Variants in ATAD2B observed in about 807,000 individuals in gnomAD.
ATAD2B encodes the protein ATPase family AAA domain containing 2B, also known as ATPase family AAA domain-containing protein 2B.
A neutral mutation model predicts 167.6 loss-of-function variants in ATAD2B; 40 were observed. That is an observed-to-expected ratio of 0.24 (90% CI 0.19 to 0.31). The LOEUF (loss-of-function observed/expected upper bound fraction) is 0.31, where lower values mean the gene tolerates loss of function less well. Among genes scored for constraint, ATAD2B ranks in the 10% least tolerant of loss-of-function variants. ATAD2B has a pLI of 1.00. For synonymous variants in ATAD2B, 579 were observed against 596.5 expected (o/e 0.97, Z 0.43); for missense variants, 1,242 against 1,757.2 (o/e 0.71, Z 5.24).
chr2:23,706,361 TCCC>T, the ATAD2B span: 5 of 712,378 alleles, frequency 7.0e-6, no homozygotes, highest in African/African-American at 9.3e-5. Flanking sequence ...GGCAGCAAGA[TCCC>T]AGATGCCTTC....
chr2:23,896,054 C>T, intron 1 of ATAD2B, 84 bp from the exon 2 acceptor site: 1 of 1,151,254 alleles, frequency 8.7e-7, no homozygotes, highest in Non-Finnish European at 1.2e-6. Context: ...CAGTGGCTCA[C>T]TCCTGTAATC....
chr2:23,877,904 T>C (rs575734137), intron 7 of ATAD2B, among the ~76,000 whole-genome samples: 55 of 149,180 alleles, frequency 3.7e-4, no homozygotes, highest in African/African-American at 1.3e-3. Context: ...AAAAAATTTT[T>C]TTTTAATTAG....
the ATAD2B span, chr2:23,703,711 C>T: frequency 8.5e-6 from 13 of 1,534,160 alleles, no homozygotes; most frequent in Non-Finnish European, 1.1e-5. Flanking sequence ...GCTCTGCTCT[C>T]CTCACAGACA....
At chr2:23,680,767 G>A in the ATAD2B span, among the ~76,000 whole-genome samples, 8 of 147,656 alleles carry the variant, frequency 5.4e-5, no homozygotes, top group African/African-American at 2.0e-4. This position sits in a 1 kb window ranked among gnomAD's most constrained non-coding sequence, Gnocchi z 4.1. Context: ...TTCTCCTGGG[G>A]TCTCTAGGCC....
downstream of ATAD2B, among the ~76,000 whole-genome samples, chr2:23,746,983 C>T (rs1210489444): frequency 6.6e-6 from 1 of 152,098 alleles, no homozygotes; most frequent in Non-Finnish European, 1.5e-5. Flanking sequence ...GTTTAGTTTG[C>T]TGCTTTATTT....
intron 14 of ATAD2B, among the ~76,000 whole-genome samples, chr2:23,829,304 C>CA (rs1688699953): frequency 1.3e-5 from 2 of 152,086 alleles, no homozygotes; most frequent in South Asian, 2.1e-4. Context: ...AATATATGAA[C>CA]AAAAAACTTT....
Position 23,750,890 on chromosome 2 carries a change from A to T in ATAD2B, c.*1156T>A, listed in dbSNP as rs1219575728. 1 of 152,164 alleles carries T rather than the reference A, an allele frequency of 6.6e-6. No homozygotes were observed. Among genetic ancestry groups the T allele is most frequent in the African/African-American group, 2.4e-5 (1 of 41,454 alleles). The allele number at this position is 152,164 out of a possible 1,614,324, so 9.4% of individuals were successfully genotyped here. ...GAAGAGTTGTGAAGGTAAGCTTAGGAGATGGGATTTAAACATTAATACTGT... is the reference window on the plus strand; with the variant it reads ...GAAGAGTTGTGAAGGTAAGCTTAGGTGATGGGATTTAAACATTAATACTGT... On this transcript the variant is annotated 3_prime_UTR_variant, in exon 28 of 28. Transcript: ENST00000238789.
chr2:23,838,885 T>G (rs1222228132), intron 13 of ATAD2B, among the ~76,000 whole-genome samples: 6 of 152,154 alleles, frequency 3.9e-5, no homozygotes, highest in African/African-American at 1.4e-4. Flanking sequence ...TAATAACTAG[T>G]AGAGCAAGTG....
chr2:23,894,437 C>A (rs1292090415), intron 2 of ATAD2B, among the ~76,000 whole-genome samples: 1 of 150,542 alleles, frequency 6.6e-6, no homozygotes, highest in Non-Finnish European at 1.5e-5. Context: ...GCAAAGATAG[C>A]GCCATTGCAC....
chr2:23,874,542 A>C (rs1413110368), intron 8 of ATAD2B, among the ~76,000 whole-genome samples: 1 of 151,944 alleles, frequency 6.6e-6, no homozygotes, highest in Non-Finnish European at 1.5e-5. Context: ...ATCTCTACAA[A>C]CAATATAAAA....
Position 23,810,497 on chromosome 2 carries a change from G to A in ATAD2B, c.2273C>T (p.Pro758Leu). ...HKPYLHFTMS[P>L]YHQPTSYRPR... ...CCTGTAAGAGGTTGGCTGATGATAT[G>A]GTGACCTGTAATACATGTAAGACAT... The change falls in exon 18 of 28, where the codon CCA (proline) becomes CTA (leucine). Residue 758 changes from proline (P) to leucine (L), a missense_variant. Transcript: ENST00000238789. 6.2e-7 allele frequency: 1 copy of A among 1,612,780 alleles called. No individual in the cohort carries two copies.
intron 1 of ATAD2B, among the ~76,000 whole-genome samples, chr2:23,909,703 T>G (rs1213085530): frequency 6.6e-6 from 1 of 152,120 alleles, no homozygotes; most frequent in Non-Finnish European, 1.5e-5. Flanking sequence ...TTTTTTTCTG[T>G]GTACGTACAT....
rs1236715673 is a variant in ATAD2B, at chr2:23,757,796, T to C, written c.3700A>G (p.Thr1234Ala). 1 of 1,573,568 alleles carries C rather than the reference T, an allele frequency of 6.4e-7. No individual in the cohort carries two copies. ...GATTCATTTGAACTTTCCTCCTCAG[T>C]AGATGCAAAGTTCTCTTTTGTGCCT... ...GAGTKENFAS[T>A]EEESSNESLL... Residue 1234 changes from threonine (T) to alanine (A), a missense_variant, in exon 25 of 28, where the codon ACT becomes GCT. Coordinates refer to ENST00000238789, the MANE Select transcript of ATAD2B (RefSeq NM_017552.4).
At chr2:23,762,441 A>G in intron 23 of ATAD2B, 95 bp from the exon 24 acceptor site, 1 of 1,323,794 alleles carries the variant, frequency 7.6e-7, no homozygotes, top group Non-Finnish European at 1.0e-6. Context: ...ACTGAGTTTT[A>G]AAGTCATTAA....
intron 2 of ATAD2B, among the ~76,000 whole-genome samples, chr2:23,892,615 A>G (rs1699696260): frequency 6.6e-6 from 1 of 151,836 alleles, no homozygotes; most frequent in Non-Finnish European, 1.5e-5. Context: ...GGGTACAGGC[A>G]CGCGCCGCCT....
At chr2:23,816,022 T>C (rs1001520181) in intron 17 of ATAD2B, among the ~76,000 whole-genome samples, 5 of 152,196 alleles carry the variant, frequency 3.3e-5, no homozygotes, top group African/African-American at 1.2e-4. Flanking sequence ...GTCTGGAACA[T>C]GATGGGCACT....
Position 23,926,891 on chromosome 2 carries a change from A to G in ATAD2B, c.-121T>C. On this transcript the variant is annotated 5_prime_UTR_variant, in exon 1 of 28. Transcript: ENST00000238789. ...GGCAATGAGAGACGAGCCGGCCCGG[A>G]GCGTGCGGAGCGCAGACGAGCACAA... 11 of 1,218,074 alleles carry G rather than the reference A, an allele frequency of 9.0e-6. No homozygotes were observed. The highest frequency in any genetic ancestry group is 1.1e-5 in the Non-Finnish European group (10 of 905,226). The allele number at this position is 1,218,074 out of a possible 1,614,324, so 75.5% of individuals were successfully genotyped here.
intron 2 of ATAD2B, among the ~76,000 whole-genome samples, chr2:23,892,687 C>A (rs1464047093): frequency 6.6e-6 from 1 of 151,846 alleles, no homozygotes. Flanking sequence ...CCAGACTGGT[C>A]TCCAACTCCT....
At chr2:23,926,248 C>T (rs868518005) in intron 1 of ATAD2B, among the ~76,000 whole-genome samples, 6 of 152,192 alleles carry the variant, frequency 3.9e-5, no homozygotes, top group Middle Eastern at 3.2e-3. Flanking sequence ...GCTAGAATTC[C>T]CCTCTGGGGC....
Sources: allele counts gnomAD v4.1 joint callset (sites outside exome capture counted in the v4.1 genomes callset), GRCh38; gene constraint gnomAD v4.1.1; non-coding constraint Gnocchi (gnomAD v3.1); transcripts MANE v1.5; gene names NCBI Gene and HGNC (gene_info 2026-07-23, HGNC 2026-07-21).